TNPO1: variants seen among roughly 807,000 people sequenced by gnomAD.
TNPO1 encodes the protein transportin-1.
A neutral mutation model predicts 119.5 loss-of-function variants in TNPO1; 8 were observed. The ratio of observed to expected loss-of-function variants is 0.07; its 90% CI spans 0.04 to 0.12. The LOEUF (loss-of-function observed/expected upper bound fraction) is 0.12. Among genes scored for constraint, TNPO1 ranks in the 10% least tolerant of loss-of-function variants. TNPO1 has a pLI of 1.00. For synonymous variants in TNPO1, 362 were observed against 363.0 expected (o/e 1.00, Z 0.03); for missense variants, 576 against 1,089.8 (o/e 0.53, Z 6.64).
At chr5:72,838,962 T>C (rs1470344170) in intron 1 of TNPO1, among the ~76,000 whole-genome samples, 1 of 152,212 alleles carries the variant, frequency 6.6e-6, no homozygotes. Flanking sequence ...TTAAGCACTG[T>C]GTTTACTTAA....
intron 22 of TNPO1, 93 bp from the exon 23 acceptor site, chr5:72,903,616 C>G: frequency 2.5e-6 from 2 of 785,002 alleles, no homozygotes; most frequent in Non-Finnish European, 2.1e-6. Flanking sequence ...AAGCTAGATT[C>G]TATTGTGACA....
chr5:72,901,147 T>A, intron 22 of TNPO1, 74 bp downstream of exon 22: 1 of 901,312 alleles, frequency 1.1e-6, no homozygotes, highest in Non-Finnish European at 1.6e-6. Context: ...TCTAATACTT[T>A]AATTATAAAA....
At chr5:72,868,332 T>C (rs1451183607) in intron 6 of TNPO1, among the ~76,000 whole-genome samples, 1 of 142,654 alleles carries the variant, frequency 7.0e-6, no homozygotes, top group African/African-American at 2.6e-5. Flanking sequence ...CTCGGGAGGC[T>C]GAGGCAGGAG....
chr5:72,903,542 G>T (rs981068053), intron 22 of TNPO1, among the ~76,000 whole-genome samples, 167 bp from the exon 23 acceptor site: 1 of 152,166 alleles, frequency 6.6e-6, no homozygotes, highest in East Asian at 1.9e-4. Context: ...AATAGGGACA[G>T]CCATTAAGGT....
At chr5:72,840,333 A>G (rs1744853989) in intron 1 of TNPO1, among the ~76,000 whole-genome samples, 1 of 152,082 alleles carries the variant, frequency 6.6e-6, no homozygotes, top group Non-Finnish European at 1.5e-5. Flanking sequence ...TCTTCTGTAA[A>G]ATGGAGATAA....
intron 1 of TNPO1, among the ~76,000 whole-genome samples, chr5:72,840,111 A>G (rs768457797): frequency 3.3e-5 from 5 of 152,198 alleles, no homozygotes; most frequent in Non-Finnish European, 7.3e-5. Flanking sequence ...AAAGGGAAAG[A>G]GTTGTATAAC....
intron 23 of TNPO1, among the ~76,000 whole-genome samples, chr5:72,905,024 A>G (rs1750044916): frequency 6.6e-6 from 1 of 152,138 alleles, no homozygotes. Context: ...CCACCAGAAG[A>G]GTATAGGAAA....
intron 13 of TNPO1, among the ~76,000 whole-genome samples, chr5:72,888,627 T>C (rs1748828146): frequency 6.6e-6 from 1 of 152,236 alleles, no homozygotes; most frequent in Admixed American, 6.5e-5. Context: ...TTTTTCCCAC[T>C]CAGTGGTTAT....
chr5:72,897,758 C>T (rs1234467277), intron 20 of TNPO1, among the ~76,000 whole-genome samples: 1 of 151,778 alleles, frequency 6.6e-6, no homozygotes, highest in East Asian at 1.9e-4. Flanking sequence ...TTTCTACCCT[C>T]CCTGATTGCT....
intron 11 of TNPO1, 141 bp from the exon 12 acceptor site, chr5:72,886,929 G>C (rs542160613): frequency 1.9e-6 from 1 of 529,866 alleles, no homozygotes; most frequent in Non-Finnish European, 2.8e-6. Context: ...ATGTTTTCAC[G>C]TGACAAACTA....
chr5:72,875,469 A>T, intron 7 of TNPO1, 146 bp from the exon 8 acceptor site: 1 of 673,522 alleles, frequency 1.5e-6, no homozygotes, highest in Non-Finnish European at 2.3e-6. Context: ...TTCCACATTT[A>T]ATTCTTGTAA....
intron 1 of TNPO1, among the ~76,000 whole-genome samples, chr5:72,844,694 A>G (rs1415634489): frequency 3.9e-5 from 6 of 152,220 alleles, no homozygotes; most frequent in African/African-American, 1.4e-4. Context: ...GGGTTGGGAA[A>G]CTAAGACTTA....
chr5:72,913,254 T>A lies in TNPO1; in HGVS notation c.*4581T>A, dbSNP rs1355433595. The A allele has an allele frequency of 6.6e-6, 1 of 152,528 alleles. No individual in the cohort carries two copies. The highest frequency in any genetic ancestry group is 1.5e-5 in the Non-Finnish European group (1 of 67,928). The allele number at this position is 152,528 out of a possible 1,614,324, so 9.4% of individuals were successfully genotyped here. ...ATTAAATTTTACATAAAAGTTAGTTTTATTCACCTTTAGGCTTTCCAAGTG... is the reference window on the plus strand; with the variant it reads ...ATTAAATTTTACATAAAAGTTAGTTATATTCACCTTTAGGCTTTCCAAGTG... On this transcript the variant is annotated 3_prime_UTR_variant, in exon 25 of 25. Transcript: ENST00000337273.
rs1750727238 is a variant in TNPO1 at position 72,914,012 on chromosome 5, G to GA, written c.*5339_*5340insA. 6.6e-6 allele frequency: 1 copy of GA among 152,492 alleles called. No individual in the cohort carries two copies. Among genetic ancestry groups the GA allele is most frequent in the East Asian group, 1.9e-4 (1 of 5,194 alleles). The allele number at this position is 152,492 out of a possible 1,614,324, so 9.4% of individuals were successfully genotyped here. A position where few individuals can be genotyped will look rare whatever the true frequency, so the allele number is the denominator to read the frequency against. On this transcript the variant is annotated 3_prime_UTR_variant, in exon 25 of 25. Transcript: ENST00000337273. ...ATTAGCTTTAGTTACAAATATAACTGGATCTTTCTGCTGACAACTTAGGTT... is the reference window on the plus strand; with the variant it reads ...ATTAGCTTTAGTTACAAATATAACTGAGATCTTTCTGCTGACAACTTAGGTT...
intron 24 of TNPO1, among the ~76,000 whole-genome samples, chr5:72,906,239 C>G (rs1185502014): frequency 8.6e-6 from 1 of 116,374 alleles, no homozygotes; most frequent in African/African-American, 3.3e-5. Context: ...GTATGTTTCA[C>G]TGAGTACCTA....
chr5:72,850,197 C>T (rs1401543955), intron 2 of TNPO1, among the ~76,000 whole-genome samples: 1 of 151,920 alleles, frequency 6.6e-6, no homozygotes, highest in Non-Finnish European at 1.5e-5. Flanking sequence ...TTTGAAAGAC[C>T]GCTATAATAG....
At chr5:72,891,962 T>A (rs1251284327) in intron 15 of TNPO1, 66 bp downstream of exon 15, 1 of 1,216,882 alleles carries the variant, frequency 8.2e-7, no homozygotes, top group Non-Finnish European at 1.2e-6. Flanking sequence ...AATGGGTATA[T>A]ATGATAAGAA....
intron 1 of TNPO1, among the ~76,000 whole-genome samples, chr5:72,818,119 G>C (rs1195264770): frequency 6.6e-6 from 1 of 152,138 alleles, no homozygotes; most frequent in Non-Finnish European, 1.5e-5. Flanking sequence ...GCAATTTAAC[G>C]TGAGCCTAAT....
At chr5:72,906,275 C>CTTTTCTTTTTTT (rs1750152401) in intron 24 of TNPO1, among the ~76,000 whole-genome samples, 1 of 54,674 alleles carries the variant, frequency 1.8e-5, no homozygotes, top group African/African-American at 6.8e-5. Context: ...TTTTTTTTTT[C>CTTTTCTTTTTTT]TTTTTTTTTT....
Sources: allele counts gnomAD v4.1 joint callset (sites outside exome capture counted in the v4.1 genomes callset), GRCh38; gene constraint gnomAD v4.1.1; transcripts MANE v1.5; gene names NCBI Gene and HGNC (gene_info 2026-07-23, HGNC 2026-07-21).